Variants in RANBP2 observed in about 807,000 individuals in gnomAD.
The protein encoded by RANBP2 is RAN binding protein 2.
A neutral mutation model predicts 303.6 loss-of-function variants in RANBP2; 57 were observed. That is an observed-to-expected ratio of 0.19 (90% CI 0.15 to 0.23). The LOEUF (loss-of-function observed/expected upper bound fraction) is 0.23, where lower values mean the gene tolerates loss of function less well. Ranked by LOEUF, RANBP2 falls within the 10% of genes least tolerant of loss-of-function variation. The probability of loss-of-function intolerance (pLI) is 1.00; values close to 1 mark genes in which losing one functional copy is unlikely to be tolerated. For missense variants in RANBP2, 3,138 were observed against 3,780.8 expected, an observed-to-expected ratio of 0.83 and a Z score of 4.46; for synonymous variants, 1,167 against 1,301.5, an observed-to-expected ratio of 0.90 and a Z score of 2.23.
the RANBP2 span, chr2:109,347,666 G>C: frequency 1.9e-6 from 3 of 1,612,432 alleles, no homozygotes; most frequent in Non-Finnish European, 2.5e-6. Flanking sequence ...GCTGTCTGTT[G>C]CTTGCAGAAT....
the RANBP2 span, among the ~76,000 whole-genome samples, chr2:109,584,474 CAAAAAAAA>C: frequency 4.2e-5 from 3 of 72,044 alleles, no homozygotes; most frequent in African/African-American, 1.7e-4. Context: ...GACTCTGTCT[CAAAAAAAA>C]AAAAAAAAAA....
At chr2:108,799,161 T>C in the RANBP2 span, among the ~76,000 whole-genome samples, 13 of 152,200 alleles carry the variant, frequency 8.5e-5, no homozygotes, top group African/African-American at 3.1e-4. Flanking sequence ...CTCACCATCT[T>C]TGAAGAATTC....
chr2:109,019,413 A>C, the RANBP2 span, among the ~76,000 whole-genome samples: 15 of 152,106 alleles, frequency 9.9e-5, no homozygotes, highest in Non-Finnish European at 1.8e-4. Context: ...TTTTGCCCAG[A>C]GCCTATGTCT....
the RANBP2 span, among the ~76,000 whole-genome samples, chr2:109,734,181 A>G: frequency 1.3e-5 from 2 of 151,404 alleles, no homozygotes; most frequent in African/African-American, 4.9e-5. Flanking sequence ...TCCACCTCAA[A>G]AAAAAAAAAA....
chr2:109,057,357 C>G, the RANBP2 span, among the ~76,000 whole-genome samples: 1 of 152,200 alleles, frequency 6.6e-6, no homozygotes, highest in Non-Finnish European at 1.5e-5. Context: ...ATGTAAATGA[C>G]AATGTGATAT....
chr2:109,246,494 T>G, the RANBP2 span, among the ~76,000 whole-genome samples: 1 of 152,184 alleles, frequency 6.6e-6, no homozygotes, highest in Non-Finnish European at 1.5e-5. Flanking sequence ...GGATTTAACA[T>G]ATGACTTTTA....
the RANBP2 span, among the ~76,000 whole-genome samples, chr2:109,765,450 A>G: frequency 1.7e-4 from 26 of 150,524 alleles, no homozygotes; most frequent in Middle Eastern, 0.01. Context: ...GCTGTACAGG[A>G]TGCAAAGGAC....
At chr2:108,923,292 C>CT in the RANBP2 span, 17 of 1,450,544 alleles carry the variant, frequency 1.2e-5, no homozygotes, top group Admixed American at 2.3e-4. Flanking sequence ...AGGACCGGCT[C>CT]TTTCCTACAC....
chr2:109,085,381 GC>G, the RANBP2 span, among the ~76,000 whole-genome samples: 3 of 152,116 alleles, frequency 2.0e-5, no homozygotes, highest in Admixed American at 2.0e-4. Context: ...TCGGCTCACT[GC>G]AATCTCCGCC....
chr2:108,904,422 C>T, the RANBP2 span, among the ~76,000 whole-genome samples: 1 of 152,198 alleles, frequency 6.6e-6, no homozygotes, highest in Non-Finnish European at 1.5e-5. Flanking sequence ...AAATAATCAA[C>T]CATGCAACTA....
chr2:109,641,738 G>C, the RANBP2 span, among the ~76,000 whole-genome samples: 1 of 123,672 alleles, frequency 8.1e-6, no homozygotes, highest in Admixed American at 8.2e-5. Flanking sequence ...TACAGTTCTT[G>C]CTCCACCCCA....
chr2:108,997,644 T>C, the RANBP2 span, among the ~76,000 whole-genome samples: 1 of 151,208 alleles, frequency 6.6e-6, no homozygotes, highest in Non-Finnish European at 1.5e-5. Flanking sequence ...GTAATCCCAG[T>C]ACTGTGAGAG....
the RANBP2 span, among the ~76,000 whole-genome samples, chr2:108,985,624 C>T: frequency 2.6e-5 from 4 of 152,178 alleles, no homozygotes; most frequent in African/African-American, 9.7e-5. Flanking sequence ...AGCAGGACCT[C>T]CAGCTTCACC....
the RANBP2 span, among the ~76,000 whole-genome samples, chr2:109,573,791 G>C: frequency 6.6e-6 from 1 of 152,180 alleles, no homozygotes; most frequent in Admixed American, 6.5e-5. Flanking sequence ...AAGTGAGTTA[G>C]TTTATGAATT....
chr2:108,762,798 C>CATCATCAT (rs1676821332), intron 19 of RANBP2, among the ~76,000 whole-genome samples: 134 of 151,294 alleles, frequency 8.9e-4, no homozygotes, highest in African/African-American at 3.1e-3. Flanking sequence ...ATAAATGTTA[C>CATCATCAT]CATCATCATC....
intron 25 of RANBP2, among the ~76,000 whole-genome samples, chr2:108,778,800 C>CACTT (rs1425465817): frequency 2.0e-5 from 3 of 149,450 alleles, no homozygotes; most frequent in African/African-American, 7.4e-5. Flanking sequence ...GAACACAGCT[C>CACTT]ACTGCTGCCT....
the RANBP2 span, among the ~76,000 whole-genome samples, chr2:108,932,790 G>T: frequency 6.6e-6 from 1 of 152,238 alleles, no homozygotes; most frequent in South Asian, 2.1e-4. Context: ...CACATAAACC[G>T]TGGGGAAAAC....
the RANBP2 span, among the ~76,000 whole-genome samples, chr2:108,953,389 T>C: frequency 2.0e-5 from 3 of 152,176 alleles, no homozygotes; most frequent in African/African-American, 4.8e-5. Context: ...GTTCCACAAA[T>C]TGTAGATACT....
chr2:108,772,921 A>G lies in RANBP2; in HGVS notation c.8167A>G (p.Lys2723Glu), dbSNP rs1447116616. The change falls in exon 23 of 29, where the codon AAG becomes GAG. Residue 2723 changes from lysine (K) to glutamate (E), a missense_variant. Physicochemically the swap from Lys to Glu is moderately conservative, Grantham distance 56 (BLOSUM62 1). Coordinates refer to ENST00000283195, the MANE Select transcript of RANBP2 (RefSeq NM_006267.5). Reference sequence around the variant, plus strand: ...GGAAAAGAAACCAACAGTTGAAGAGAAGGCAAAAGCAGATACGTTAAAACT... The same window carrying G: ...GGAAAAGAAACCAACAGTTGAAGAGGAGGCAAAAGCAGATACGTTAAAACT... ...VWEKKPTVEE[K>E]AKADTLKLPP... is the part of the protein sequence containing the mutation. 2.5e-6 allele frequency: 4 copies of G among 1,613,984 alleles called. No individual in the cohort carries two copies. In the African/African-American group the frequency reaches 5.3e-5, roughly 22 times the overall value.
Sources: allele counts gnomAD v4.1 joint callset (sites outside exome capture counted in the v4.1 genomes callset), GRCh38; gene constraint gnomAD v4.1.1; transcripts MANE v1.5; gene names NCBI Gene and HGNC (gene_info 2026-07-23, HGNC 2026-07-21).